Variants in ABCA13 observed in about 807,000 individuals in gnomAD.
The protein encoded by ABCA13 is ATP binding cassette subfamily A member 13, also known as ATP-binding cassette sub-family A member 13.
ABCA13 carries 476 observed loss-of-function variants against 478.7 expected under a neutral mutation model. That is an observed-to-expected ratio of 0.99 (90% CI 0.92 to 1.07). The LOEUF (loss-of-function observed/expected upper bound fraction) is 1.07, where lower values mean the gene tolerates loss of function less well. Among genes scored for constraint, ABCA13 ranks in the 50% least tolerant of loss-of-function variants. ABCA13 has a pLI of 0.00. For synonymous variants in ABCA13, 2,252 were observed against 2,158.9 expected, an observed-to-expected ratio of 1.04 and a Z score of -1.20; for missense variants, 6,060 against 5,910.6, an observed-to-expected ratio of 1.03 and a Z score of -0.83.
At chr7:48,206,922 T>C (rs1785005178) in intron 3 of ABCA13, among the ~76,000 whole-genome samples, 1 of 152,146 alleles carries the variant, frequency 6.6e-6, no homozygotes, top group South Asian at 2.1e-4. Context: ...TCTATCTAAC[T>C]GCACTTTTGT....
At chr7:48,521,013 C>G (rs1168098371) in intron 53 of ABCA13, among the ~76,000 whole-genome samples, 4 of 152,020 alleles carry the variant, frequency 2.6e-5, no homozygotes, top group African/African-American at 9.7e-5. Context: ...AAGTCAGTAG[C>G]ATGGGGCATG....
At chr7:48,260,618 A>C (rs1394538608) in intron 15 of ABCA13, among the ~76,000 whole-genome samples, 1 of 152,014 alleles carries the variant, frequency 6.6e-6, no homozygotes, top group Admixed American at 6.6e-5. Context: ...TTCGTTTGAC[A>C]GTTTTCTATG....
chr7:48,352,454 A>T lies in ABCA13; in HGVS notation c.10655A>T (p.Gln3552Leu). Reference protein sequence around the residue: ...QEALEPAAQTQAAPYPCHTSD... With the variant: ...QEALEPAAQTLAAPYPCHTSD... ...GCCCTGGAACCAGCAGCACAGACTC[A>T]GGCGGCCCCTTACCCCTGCCATACC... is the stretch of plus-strand genomic sequence containing the variant. The change falls in exon 31 of 62, where the codon CAG (glutamine) becomes CTG (leucine). Residue 3552 changes from glutamine (Q) to leucine (L), a missense_variant. Gln to Leu is a moderately radical substitution (Grantham distance 113, BLOSUM62 -2). Transcript: ENST00000435803. 6.2e-7 allele frequency: 1 copy of T among 1,610,952 alleles called. No individual in the cohort carries two copies. Among genetic ancestry groups the T allele is most frequent in the Non-Finnish European group, 8.5e-7 (1 of 1,178,300 alleles).
chr7:48,294,219 C>T (rs553515598), intron 20 of ABCA13, among the ~76,000 whole-genome samples: 1 of 151,996 alleles, frequency 6.6e-6, no homozygotes, highest in Non-Finnish European at 1.5e-5. Flanking sequence ...GTGTGTCGTG[C>T]GTGTGTGTTA....
chr7:48,244,823 C>A, intron 11 of ABCA13, 120 bp downstream of exon 11: 1 of 1,242,240 alleles, frequency 8.0e-7, no homozygotes. Flanking sequence ...TTGCTGGTGT[C>A]ATATGCATAT....
chr7:48,318,089 C>T (rs946431288), intron 27 of ABCA13, among the ~76,000 whole-genome samples: 4 of 152,136 alleles, frequency 2.6e-5, no homozygotes, highest in African/African-American at 7.2e-5. Flanking sequence ...TGATAAGCTT[C>T]CAAGCCTCAA....
chr7:48,206,614 A>ACT (rs1554342228), intron 3 of ABCA13, among the ~76,000 whole-genome samples: 1 of 151,888 alleles, frequency 6.6e-6, no homozygotes, highest in African/African-American at 2.4e-5. Flanking sequence ...TTTAAAAAAA[A>ACT]TTTTGTTTCT....
At chr7:48,192,316 T>G (rs1797214860) in intron 1 of ABCA13, among the ~76,000 whole-genome samples, 1 of 152,202 alleles carries the variant, frequency 6.6e-6, no homozygotes, top group African/African-American at 2.4e-5. Flanking sequence ...GAGTAGCTCT[T>G]TTGTAGTCTG....
intron 32 of ABCA13, among the ~76,000 whole-genome samples, chr7:48,368,898 C>CT (rs940248524): frequency 4.6e-5 from 7 of 151,502 alleles, no homozygotes; most frequent in African/African-American, 7.3e-5. Flanking sequence ...GTGCAACTAT[C>CT]TTTTTCATGT....
At chr7:48,380,141 G>A (rs896017164) in intron 35 of ABCA13, among the ~76,000 whole-genome samples, 1 of 152,166 alleles carries the variant, frequency 6.6e-6, no homozygotes, top group African/African-American at 2.4e-5. Context: ...ATCTCAATGT[G>A]TAATTTTCAC....
chr7:48,283,682 T>C (rs1029942963), intron 19 of ABCA13, among the ~76,000 whole-genome samples: 15 of 152,210 alleles, frequency 9.9e-5, no homozygotes, highest in African/African-American at 3.6e-4. Context: ...GTGCTGGGAC[T>C]CGTGGTCTGT....
In ABCA13 at chr7:48,386,280, A is replaced by C. The variant is rs557754929; in HGVS notation, c.11336-1542A>C. On this transcript the variant is annotated intron_variant, in intron 35 of 61. Coordinates refer to ENST00000435803, the MANE Select transcript of ABCA13 (RefSeq NM_152701.5). ...AAACGTTTCATGCTCATGGACAGGA[A>C]GAATCAATATCATTAAAATAGCCAT... Among the ~76,000 whole-genome samples the C allele has an allele frequency of 1.1e-4, 17 of 152,386 alleles. 1 individual carries two copies. In the South Asian group the frequency reaches 3.3e-3, roughly 30 times the overall value.
At chr7:48,255,945 G>A (rs1031333028) in intron 15 of ABCA13, among the ~76,000 whole-genome samples, 7 of 151,954 alleles carry the variant, frequency 4.6e-5, no homozygotes, top group Middle Eastern at 3.2e-3. Flanking sequence ...AAGTGTTCCC[G>A]TTTCTCCACA....
intron 42 of ABCA13, among the ~76,000 whole-genome samples, chr7:48,437,210 A>G (rs970628202): frequency 5.3e-4 from 80 of 152,060 alleles, no homozygotes; most frequent in African/African-American, 1.9e-3. Flanking sequence ...ATGGGTATCT[A>G]TGCATCTCTA....
intron 1 of ABCA13, among the ~76,000 whole-genome samples, chr7:48,184,494 G>A (rs545229658): frequency 6.6e-6 from 1 of 152,246 alleles, no homozygotes; most frequent in East Asian, 1.9e-4. Context: ...AAGGAAAACT[G>A]TCTGTTTTCT....
intron 38 of ABCA13, among the ~76,000 whole-genome samples, chr7:48,402,509 T>A (rs1817744571): frequency 6.6e-6 from 1 of 152,210 alleles, no homozygotes; most frequent in Non-Finnish European, 1.5e-5. Context: ...ATTATTACTA[T>A]AAATTTAGGT....
intron 39 of ABCA13, among the ~76,000 whole-genome samples, chr7:48,408,983 T>C (rs1369672560): frequency 1.3e-5 from 2 of 152,218 alleles, no homozygotes; most frequent in Non-Finnish European, 2.9e-5. Context: ...CTAAGCATGA[T>C]GGCCTTGAGC....
intron 35 of ABCA13, among the ~76,000 whole-genome samples, chr7:48,381,082 C>T (rs1449965590): frequency 6.6e-6 from 1 of 152,102 alleles, no homozygotes; most frequent in Admixed American, 6.6e-5. Context: ...CCCACAGCAC[C>T]CCTCCCTACT....
intron 37 of ABCA13, among the ~76,000 whole-genome samples, chr7:48,390,062 C>T (rs1021054090): frequency 5.9e-5 from 9 of 152,064 alleles, no homozygotes; most frequent in Non-Finnish European, 7.4e-5. Context: ...CCTGGAAAAG[C>T]GTGTGAGTGT....
Sources: gnomAD v4.1 joint callset for allele counts (sites outside exome capture counted in the v4.1 genomes callset) on GRCh38, gnomAD v4.1.1 for gene constraint, MANE v1.5 for transcripts, NCBI Gene and HGNC (gene_info 2026-07-23, HGNC 2026-07-21) for gene names.